ATRIP: variants seen among roughly 807,000 people sequenced by gnomAD.
ATRIP encodes the protein ATR-interacting protein.
Under a neutral mutation model 78.1 loss-of-function variants are expected in ATRIP, and 44 were observed. The ratio of observed to expected loss-of-function variants is 0.56; its 90% CI spans 0.44 to 0.72. ATRIP has a LOEUF of 0.72. Ranked by LOEUF, ATRIP falls within the 30% of genes least tolerant of loss-of-function variation. The pLI is 0.00. For synonymous variants in ATRIP, 388 were observed against 408.9 expected (o/e 0.95, Z 0.62); for missense variants, 927 against 980.2 (o/e 0.95, Z 0.72).
intron 9 of ATRIP, 79 bp from the exon 10 acceptor site, chr3:48,463,962 C>T (rs1324788159): frequency 2.5e-6 from 4 of 1,605,146 alleles, no homozygotes; most frequent in Non-Finnish European, 3.4e-6. Context: ...TCAAGGGCCT[C>T]AGAGGGCTTC....
intron 3 of ATRIP, 33 bp from the exon 4 acceptor site, chr3:48,454,267 G>T: frequency 7.8e-7 from 1 of 1,290,184 alleles, no homozygotes; most frequent in Non-Finnish European, 1.1e-6. Flanking sequence ...TATATGATGG[G>T]ACCACTACAA....
intron 5 of ATRIP, among the ~76,000 whole-genome samples, chr3:48,458,413 C>A (rs1440130197): frequency 6.6e-6 from 1 of 151,918 alleles, no homozygotes; most frequent in Non-Finnish European, 1.5e-5. Flanking sequence ...ACCTCTGCCT[C>A]CCATGTTCAA....
In ATRIP at chr3:48,466,602, C is replaced by T. The variant is rs1424768244; in HGVS notation, c.*1048C>T. 5 of 1,613,842 alleles carry T rather than the reference C, an allele frequency of 3.1e-6. No homozygotes were observed. The highest frequency in any genetic ancestry group is 4.2e-6 in the Non-Finnish European group (5 of 1,179,970). ...CCTTCGGATCTTAACACTGGGCACT[C>T]ACACACCCACCCCATGCTCCTCTCC... is the stretch of plus-strand genomic sequence containing the variant. On this transcript the variant is annotated 3_prime_UTR_variant, in exon 13 of 13. Transcript: ENST00000320211.
chr3:48,459,980 G>A, intron 7 of ATRIP, 64 bp downstream of exon 7: 1 of 1,570,136 alleles, frequency 6.4e-7, no homozygotes, highest in Non-Finnish European at 8.6e-7. Flanking sequence ...ATTCCTTTCT[G>A]GCCCTGGCCA....
intron 5 of ATRIP, among the ~76,000 whole-genome samples, chr3:48,458,078 C>CTTT (rs1328630526): frequency 7.5e-6 from 1 of 133,854 alleles, no homozygotes; most frequent in Non-Finnish European, 1.6e-5. Flanking sequence ...ATTTGTGGGC[C>CTTT]TTTTTTTTTT....
chr3:48,450,505 G>A (rs1414544719), intron 2 of ATRIP: 2 of 1,292,690 alleles, frequency 1.5e-6, no homozygotes, highest in Non-Finnish European at 2.0e-6. Flanking sequence ...TTGCAAGAAA[G>A]CAGACACTTC....
chr3:48,462,357 C>T (rs1166624602), intron 8 of ATRIP, among the ~76,000 whole-genome samples: 1 of 152,084 alleles, frequency 6.6e-6, no homozygotes, highest in Non-Finnish European at 1.5e-5. Flanking sequence ...ACAGCCACAG[C>T]TGGGCATTTA....
At chr3:48,456,715 C>T (rs1352504644) in intron 4 of ATRIP, among the ~76,000 whole-genome samples, 1 of 151,566 alleles carries the variant, frequency 6.6e-6, no homozygotes, top group African/African-American at 2.4e-5. Context: ...GTCAAGGCTG[C>T]AGTGAGCTAT....
rs201468664 is a variant in ATRIP, at chr3:48,464,815, A to AC, written c.2056-9dup. The AC allele has an allele frequency of 1.3e-3, 2,086 of 1,602,036 alleles. 2 individuals are homozygous for AC. The highest frequency in any genetic ancestry group is 2.3e-3 in the Admixed American group (138 of 59,628). ...ATGGTGGCACCAGGCCTCAGTCTGC[A>AC]CCCCCCCTCTCTCAGGTGGTCAGAG... On this transcript the variant is annotated splice_polypyrimidine_tract_variant and intron_variant, in intron 11 of 12. Transcript: ENST00000320211.
intron 3 of ATRIP, among the ~76,000 whole-genome samples, chr3:48,452,647 A>C (rs1431618527): frequency 2.6e-5 from 4 of 152,224 alleles, no homozygotes; most frequent in Admixed American, 2.6e-4. Flanking sequence ...GTAAGCCATG[A>C]TCATGCCATT....
At position 48,459,390 on chromosome 3, in the gene ATRIP, C is replaced by T; in HGVS notation, c.861C>T (p.Ser287=). 1 of 1,614,078 alleles carries T rather than the reference C, an allele frequency of 6.2e-7. No homozygotes were observed. Among genetic ancestry groups the T allele is most frequent in the South Asian group, 1.1e-5 (1 of 91,082 alleles). The change falls in exon 6 of 13, where the codon TCC becomes TCT. Residue 287 remains serine, a synonymous_variant. Transcript: ENST00000320211. ...AGCCCCACAGTCTGAGAGGTGACTC[C>T]ATAAAACAAGAAGAGGCCCAGAAAA... ...DSKPHSLRGD[S]IKQEEAQKSF...
At chr3:48,458,260 C>T (rs1024844755) in intron 5 of ATRIP, among the ~76,000 whole-genome samples, 1 of 151,070 alleles carries the variant, frequency 6.6e-6, no homozygotes, top group African/African-American at 2.4e-5. Context: ...TTTAAACCAT[C>T]ACAGCATCAA....
In ATRIP at chr3:48,466,081, TG is replaced by T. The variant is rs772866239; in HGVS notation, c.*529del. On this transcript the variant is annotated 3_prime_UTR_variant, in exon 13 of 13. Transcript: ENST00000320211. ...TTGTGCCACCAGCAGGCCACAGCTG[TG>T]GATCTTGGAAGGCCTCTGGGGTCCC... 16 of 365,276 alleles carry T rather than the reference TG, an allele frequency of 4.4e-5. No individual in the cohort carries two copies. Among genetic ancestry groups the T allele is most frequent in the Admixed American group, 4.3e-4 (11 of 25,604 alleles). 22.6% of individuals were successfully genotyped at this position (365,276 alleles called of 1,614,324 possible). A position where few individuals can be genotyped will look rare whatever the true frequency, so the allele number is the denominator to read the frequency against.
At position 48,464,749 on chromosome 3, in the gene ATRIP, C is replaced by T. The variant is rs1199344984; in HGVS notation, c.2056-82C>T. Reference sequence around the variant, plus strand: ...GTAGGCCCCACTGCAAACCCCCTCACGTGAGGTGGCTAGGCTGAGCGGATT... The same window carrying T: ...GTAGGCCCCACTGCAAACCCCCTCATGTGAGGTGGCTAGGCTGAGCGGATT... On this transcript the variant is annotated intron_variant, in intron 11 of 12. Coordinates refer to ENST00000320211, the MANE Select transcript of ATRIP (RefSeq NM_130384.3). The T allele has an allele frequency of 9.3e-6, 15 of 1,606,336 alleles. No homozygotes were observed. The East Asian group carries it at 1.8e-4, about 19-fold the overall frequency.
At chr3:48,455,527 T>A (rs2039934157) in intron 4 of ATRIP, among the ~76,000 whole-genome samples, 1 of 152,020 alleles carries the variant, frequency 6.6e-6, no homozygotes, top group African/African-American at 2.4e-5. Flanking sequence ...TCTCACTCTG[T>A]TGTCCAGGCT....
rs2040355618 is a variant in ATRIP at position 48,467,160 on chromosome 3, T to C, written c.*1606T>C. On this transcript the variant is annotated 3_prime_UTR_variant, in exon 13 of 13. Coordinates refer to ENST00000320211, the MANE Select transcript of ATRIP (RefSeq NM_130384.3). Reference sequence around the variant, plus strand: ...GGCCCTGGAGCGAGCAAGCAGCCCCTCAGAACACGGCCCAAGGAAGAGCTA... The same window carrying C: ...GGCCCTGGAGCGAGCAAGCAGCCCCCCAGAACACGGCCCAAGGAAGAGCTA... 1.2e-6 allele frequency: 2 copies of C among 1,613,958 alleles called. No homozygotes were observed. The highest frequency in any genetic ancestry group is 1.7e-5 in the Admixed American group (1 of 60,020).
At position 48,464,094 on chromosome 3, in the gene ATRIP, G is replaced by T. The variant is rs897672294; in HGVS notation, c.1936G>T (p.Val646Leu). The T allele has an allele frequency of 8.1e-6, 13 of 1,613,878 alleles. No homozygotes were observed. Among genetic ancestry groups the T allele is most frequent in the Non-Finnish European group, 1.1e-5 (13 of 1,180,026 alleles). ...GTACATCACATCACGGCCTGACAGA[G>T]TGGCCTTGGAGACACAATGGCTCCA... ...YMYITSRPDR[V>L]ALETQWLQLE... The change falls in exon 10 of 13, where the codon GTG (valine) becomes TTG (leucine). Residue 646 changes from valine to leucine, a missense_variant. Coordinates refer to ENST00000320211, the MANE Select transcript of ATRIP (RefSeq NM_130384.3).
rs2040060131 is a variant in ATRIP at position 48,460,142 on chromosome 3, C to T, written c.1088C>T (p.Thr363Ile). ...TLAGMSGLRT[T>I]GSYDGSFSLS... is the part of the protein sequence containing the mutation. ...GCTGGAATGTCAGGCCTCAGGACCA[C>T]AGGTTCTTATGATGGGTCATTTTCC... Residue 363 changes from threonine (T) to isoleucine (I), a missense_variant, in exon 8 of 13, where the codon ACA (threonine) becomes ATA (isoleucine). Thr to Ile is a moderately conservative substitution (Grantham distance 89). Transcript: ENST00000320211. The T allele has an allele frequency of 6.2e-7, 1 of 1,613,474 alleles. No individual in the cohort carries two copies. The highest frequency in any genetic ancestry group is 8.5e-7 in the Non-Finnish European group (1 of 1,179,842).
intron 1 of ATRIP, among the ~76,000 whole-genome samples, chr3:48,448,103 G>C (rs1477608750): frequency 6.6e-6 from 1 of 151,318 alleles, no homozygotes; most frequent in Non-Finnish European, 1.5e-5. Context: ...ATCACATTCT[G>C]AGTGATCTTT....
Sources: allele counts gnomAD v4.1 joint callset (sites outside exome capture counted in the v4.1 genomes callset), GRCh38; gene constraint gnomAD v4.1.1; transcripts MANE v1.5; gene names NCBI Gene and HGNC (gene_info 2026-07-23, HGNC 2026-07-21).